The following RORA variants were observed in gnomAD, a reference collection of about 807,000 sequenced individuals.
The protein encoded by RORA is RAR related orphan receptor A, also known as nuclear receptor ROR-alpha.
Under a neutral mutation model 69.5 loss-of-function variants are expected in RORA, and 7 were observed. The ratio of observed to expected loss-of-function variants is 0.10; its 90% CI spans 0.06 to 0.19. The LOEUF (loss-of-function observed/expected upper bound fraction) is 0.19. RORA is among the 10% of genes least tolerant of loss of function. The pLI, the probability that RORA is intolerant of heterozygous loss-of-function variation, is 1.00. For missense variants in RORA, 457 were observed against 663.0 expected (o/e 0.69, Z 3.41); for synonymous variants, 261 against 240.8 (o/e 1.08, Z -0.78).
chr15:60,620,402 T>C (rs985964825), intron 2 of RORA, among the ~76,000 whole-genome samples: 1 of 152,188 alleles, frequency 6.6e-6, no homozygotes, highest in Middle Eastern at 3.2e-3. Flanking sequence ...TAGGCCGTCA[T>C]GAGGATCAAA....
chr15:61,065,624 A>C (rs1303355212), intron 1 of RORA, among the ~76,000 whole-genome samples: 1 of 152,354 alleles, frequency 6.6e-6, no homozygotes, highest in East Asian at 1.9e-4. Flanking sequence ...GTCAGAGAAT[A>C]TGGGGCAGAG....
chr15:60,813,239 T>C (rs2072767817), intron 1 of RORA, among the ~76,000 whole-genome samples: 1 of 152,134 alleles, frequency 6.6e-6, no homozygotes, highest in African/African-American at 2.4e-5. Context: ...CCATATCCTC[T>C]CTGCCCAGGA....
chr15:60,985,872 G>A (rs773287709), intron 1 of RORA, among the ~76,000 whole-genome samples: 31 of 152,196 alleles, frequency 2.0e-4, no homozygotes, highest in Middle Eastern at 3.4e-3. Context: ...GAGCCAACGC[G>A]CCCAGCCGAC....
intron 1 of RORA, among the ~76,000 whole-genome samples, chr15:60,996,014 G>A (rs940224): frequency 0.24 from 36,200 of 151,842 alleles, 4,780 homozygotes; most frequent in East Asian, 0.39. Context: ...AAGATATTTA[G>A]GAGCTTATGT....
intron 1 of RORA, among the ~76,000 whole-genome samples, chr15:60,991,176 A>T (rs1358619302): frequency 6.6e-6 from 1 of 152,242 alleles, no homozygotes; most frequent in Non-Finnish European, 1.5e-5. Context: ...TCTCAGAACC[A>T]GGTGGCAAGA....
intron 2 of RORA, among the ~76,000 whole-genome samples, chr15:60,620,049 C>G (rs992849093): frequency 2.0e-5 from 3 of 152,236 alleles, no homozygotes; most frequent in Non-Finnish European, 4.4e-5. Context: ...GTCAGCATCT[C>G]TCACTATCTC....
At chr15:61,044,720 A>T (rs550112210) in intron 1 of RORA, among the ~76,000 whole-genome samples, 11 of 152,284 alleles carry the variant, frequency 7.2e-5, no homozygotes, top group East Asian at 5.8e-4. Context: ...CTAGACACTC[A>T]TCAGGTATGA....
chr15:61,077,222 G>A (rs1400842281), intron 1 of RORA, among the ~76,000 whole-genome samples: 1 of 151,702 alleles, frequency 6.6e-6, no homozygotes, highest in Non-Finnish European at 1.5e-5. Context: ...TACAGGGGGT[G>A]TGGTGGGGGC....
intron 3 of RORA, chr15:60,528,410 A>G (rs543412680): frequency 4.6e-5 from 7 of 151,500 alleles, no homozygotes; most frequent in Admixed American, 3.3e-4. Flanking sequence ...CTTACTCTAT[A>G]TTAGTTCTTG....
At chr15:60,982,858 T>C (rs577504618) in intron 1 of RORA, among the ~76,000 whole-genome samples, 1 of 152,330 alleles carries the variant, frequency 6.6e-6, no homozygotes, top group South Asian at 2.1e-4. Context: ...TTCTAGCTTT[T>C]ATAGAAGGGT....
At chr15:61,073,288 C>A (rs1476351021) in intron 1 of RORA, among the ~76,000 whole-genome samples, 1 of 152,200 alleles carries the variant, frequency 6.6e-6, no homozygotes, top group African/African-American at 2.4e-5. Context: ...TTTGTCACAA[C>A]AAGCTTCCTT....
chr15:60,925,667 G>A (rs1287791649), intron 1 of RORA, among the ~76,000 whole-genome samples: 1 of 152,226 alleles, frequency 6.6e-6, no homozygotes, highest in Non-Finnish European at 1.5e-5. Flanking sequence ...CCGGCCATTG[G>A]CGGCTGAGCA....
intron 1 of RORA, among the ~76,000 whole-genome samples, chr15:61,069,074 G>A (rs1408948194): frequency 6.6e-6 from 1 of 152,136 alleles, no homozygotes; most frequent in Non-Finnish European, 1.5e-5. Context: ...AGGGATATAC[G>A]ATAGCAAAAA....
At chr15:61,062,578 G>A (rs2078201847) in intron 1 of RORA, among the ~76,000 whole-genome samples, 1 of 152,256 alleles carries the variant, frequency 6.6e-6, no homozygotes, top group Non-Finnish European at 1.5e-5. Context: ...AAACAGCTTG[G>A]GTAAAAGCAT....
chr15:60,918,076 G>C (rs1311464752), intron 1 of RORA, among the ~76,000 whole-genome samples: 2 of 152,218 alleles, frequency 1.3e-5, no homozygotes. Flanking sequence ...CAGGAGGTAT[G>C]CATTGCCATC....
chr15:61,187,748 T>C (rs1462468824), intron 1 of RORA, among the ~76,000 whole-genome samples: 1 of 152,172 alleles, frequency 6.6e-6, no homozygotes. Flanking sequence ...AAGAAAAAGT[T>C]GACAAGCCCG....
chr15:60,777,975 T>C (rs1438475434), intron 1 of RORA, among the ~76,000 whole-genome samples: 1 of 152,122 alleles, frequency 6.6e-6, no homozygotes, highest in Admixed American at 6.5e-5. Flanking sequence ...CCCAGAAAAA[T>C]AAATTGACGT....
rs1308374566 is a variant in RORA at position 61,213,456 on chromosome 15, G to A, written c.166+15597C>T. ...GACAAGGTCCGAAATGCTTAGGCTC[G>A]CCCCTGCCTACTTTCTCCAACCTTA... On this transcript the variant is annotated intron_variant, in intron 1 of 10. Coordinates refer to ENST00000335670, the MANE Select transcript of RORA (RefSeq NM_134261.3). The surrounding 1 kb of genome is among the most constrained non-coding windows in gnomAD (Gnocchi z 4.1). 3.3e-5 allele frequency among the ~76,000 whole-genome samples: 5 copies of A among 152,000 alleles called. No individual in the cohort carries two copies. Among genetic ancestry groups the A allele is most frequent in the African/African-American group, 4.8e-5 (2 of 41,370 alleles).
chr15:61,223,741 C>T (rs577040621), intron 1 of RORA, among the ~76,000 whole-genome samples: 17 of 152,138 alleles, frequency 1.1e-4, no homozygotes, highest in African/African-American at 3.4e-4. Context: ...GTTTAGAAAA[C>T]GTATTCAACA....
Sources: gnomAD v4.1 joint callset for allele counts (sites outside exome capture counted in the v4.1 genomes callset) on GRCh38, gnomAD v4.1.1 for gene constraint, Gnocchi (gnomAD v3.1) non-coding constraint, MANE v1.5 for transcripts, NCBI Gene and HGNC (gene_info 2026-07-23, HGNC 2026-07-21) for gene names.